DNAH6: variants seen among roughly 807,000 people sequenced by gnomAD.
The protein encoded by DNAH6 is axonemal beta dynein heavy chain 6.
Under a neutral mutation model 491.4 loss-of-function variants are expected in DNAH6, and 340 were observed. That is an observed-to-expected ratio of 0.69 (90% CI 0.63 to 0.76). The LOEUF (loss-of-function observed/expected upper bound fraction) is 0.76, where lower values mean the gene tolerates loss of function less well. Among genes scored for constraint, DNAH6 ranks in the 30% least tolerant of loss-of-function variants. The probability of loss-of-function intolerance (pLI) is 0.00; values close to 1 mark genes in which losing one functional copy is unlikely to be tolerated. For synonymous variants in DNAH6, 1,603 were observed against 1,686.1 expected (o/e 0.95, Z 1.21); for missense variants, 4,443 against 4,972.2 (o/e 0.89, Z 3.20).
chr2:84,777,693 G>A (rs1676282716), intron 64 of DNAH6: 1 of 817,092 alleles, frequency 1.2e-6, no homozygotes. Flanking sequence ...ACCTACCCAT[G>A]ACAGCTTAAT....
chr2:84,646,446 TAGTG>T (rs1301061557), intron 33 of DNAH6, among the ~76,000 whole-genome samples: 1 of 151,620 alleles, frequency 6.6e-6, no homozygotes, highest in Admixed American at 6.6e-5. Flanking sequence ...CGATTAAGCT[TAGTG>T]AGGAAGGCAT....
chr2:84,579,948 C>T (rs376385628), intron 14 of DNAH6, among the ~76,000 whole-genome samples: 22 of 152,286 alleles, frequency 1.4e-4, no homozygotes, highest in African/African-American at 5.3e-4. Flanking sequence ...TATTTATCCT[C>T]ATTCTGCAGA....
At chr2:84,754,115 C>T (rs111844909) in intron 63 of DNAH6, among the ~76,000 whole-genome samples, 21,047 of 151,856 alleles carry the variant, frequency 0.14, 1,618 homozygotes, top group African/African-American at 0.21. Context: ...AGCCACCACG[C>T]CTGGCCTTGA....
chr2:84,511,701 CTTGT>C (rs1289484873), upstream of DNAH6, among the ~76,000 whole-genome samples: 1 of 152,080 alleles, frequency 6.6e-6, no homozygotes, highest in African/African-American at 2.4e-5. Flanking sequence ...GTTCCTATTC[CTTGT>C]TTAATGTTTT....
Position 84,778,150 on chromosome 2 carries a change from C to T in DNAH6, c.10704-3343C>T, listed in dbSNP as rs906254815. ...ATGCCAACAGCACCAACCCCAACAA[C>T]TATAATCTTATCCTGGGGAGGTCTC... is the stretch of plus-strand genomic sequence containing the variant. On this transcript the variant is annotated intron_variant, in intron 64 of 76. Transcript: ENST00000389394. 1.7e-5 allele frequency: 13 copies of T among 759,932 alleles called. No homozygotes were observed. In the African/African-American group the frequency reaches 2.1e-4, roughly 12 times the overall value. 47.1% of individuals were successfully genotyped at this position (759,932 alleles called of 1,614,324 possible).
rs923026183 is a variant in DNAH6 at position 84,699,734 on chromosome 2, G to C, written c.7818G>C (p.Gln2606His). 1.9e-6 allele frequency: 3 copies of C among 1,549,982 alleles called. No homozygotes were observed. The highest frequency in any genetic ancestry group is 1.7e-6 in the Non-Finnish European group (2 of 1,146,518). Residue 2606 changes from glutamine (Q) to histidine (H), a missense_variant and splice_region_variant, in exon 48 of 77, where the codon CAG becomes CAC. Coordinates refer to ENST00000389394, the MANE Select transcript of DNAH6 (RefSeq NM_001370.2). ...VNCCTIDWFV[Q>H]WPREALLSVS... ...GCTGCACCATTGACTGGTTTGTGCA[G>C]GTTGGTGACATCCCAGGATATCTCT...
intron 50 of DNAH6, 37 bp from the exon 51 acceptor site, chr2:84,704,030 A>G: frequency 2.0e-6 from 3 of 1,468,260 alleles, no homozygotes; most frequent in Non-Finnish European, 2.8e-6. Context: ...AAATTCAAAT[A>G]ATGAGGCCAC....
At chr2:84,789,363 AACTCTT>A (rs1371303921) in intron 68 of DNAH6, among the ~76,000 whole-genome samples, 3 of 152,226 alleles carry the variant, frequency 2.0e-5, no homozygotes, top group Non-Finnish European at 4.4e-5. Flanking sequence ...TAGGTGCCAA[AACTCTT>A]ACATCCAGAT....
At chr2:84,659,824 A>T (rs1216401495) in intron 37 of DNAH6, among the ~76,000 whole-genome samples, 2 of 151,994 alleles carry the variant, frequency 1.3e-5, no homozygotes, top group African/African-American at 2.4e-5. Context: ...TCTACAAAAA[A>T]TTTTTTTAGT....
chr2:84,499,488 GTGC>G, the DNAH6 span, among the ~76,000 whole-genome samples: 1 of 152,190 alleles, frequency 6.6e-6, no homozygotes, highest in Non-Finnish European at 1.5e-5. Flanking sequence ...ATTGTAAACA[GTGC>G]TGGAACAAAC....
At chr2:84,600,629 T>TA (rs1263042742) in intron 18 of DNAH6, among the ~76,000 whole-genome samples, 1 of 152,112 alleles carries the variant, frequency 6.6e-6, no homozygotes, top group Admixed American at 6.5e-5. Context: ...TTCTCATAAT[T>TA]ACACTGGAAT....
rs1440089286 is a variant in DNAH6 at position 84,787,169 on chromosome 2, A to G, written c.11106A>G (p.Arg3702=). 1.3e-6 allele frequency: 2 copies of G among 1,504,196 alleles called. No individual in the cohort carries two copies. Among genetic ancestry groups the G allele is most frequent in the East Asian group, 2.5e-5 (1 of 39,870 alleles). The allele number at this position is 1,504,196 out of a possible 1,614,324, so 93.2% of individuals were successfully genotyped here. A position where few individuals can be genotyped will look rare whatever the true frequency, so the allele number is the denominator to read the frequency against. The part of the protein sequence containing the change: ...ICFFHAIIQE[R]KKFGPLGWNI... ...ATTTTCATTTTTCATTTTAGGAGAG[A>G]AAGAAGTTTGGCCCCCTTGGTTGGA... Residue 3702 remains arginine, a synonymous_variant, in exon 68 of 77, where the codon AGA becomes AGG. Coordinates refer to ENST00000389394, the MANE Select transcript of DNAH6 (RefSeq NM_001370.2).
At chr2:84,472,419 C>A in the DNAH6 span, among the ~76,000 whole-genome samples, 2 of 151,998 alleles carry the variant, frequency 1.3e-5, no homozygotes, top group Non-Finnish European at 2.9e-5. Flanking sequence ...TGTCTTTTAA[C>A]ATGAGCTGTA....
chr2:84,616,237 G>C (rs1041941016), intron 22 of DNAH6, among the ~76,000 whole-genome samples: 1 of 152,000 alleles, frequency 6.6e-6, no homozygotes, highest in Non-Finnish European at 1.5e-5. Context: ...TTTCTTTGTT[G>C]ACTTTCGGCC....
At position 84,642,711 on chromosome 2, in the gene DNAH6, G is replaced by C. The variant is rs78376886; in HGVS notation, c.5078+657G>C. Among the ~76,000 whole-genome samples, 900 of 151,806 alleles carry C rather than the reference G, an allele frequency of 5.9e-3. 14 individuals are homozygous for C. Among genetic ancestry groups the C allele is most frequent in the African/African-American group, 0.021 (865 of 41,356 alleles). Reference sequence around the variant, plus strand: ...TCAATTAACACTATACCATTTCATGGGAAGTGTGAGTACCTTATAATAACA... The same window carrying C: ...TCAATTAACACTATACCATTTCATGCGAAGTGTGAGTACCTTATAATAACA... On this transcript the variant is annotated intron_variant, in intron 33 of 76. Coordinates refer to ENST00000389394, the MANE Select transcript of DNAH6 (RefSeq NM_001370.2).
chr2:84,601,684 G>A (rs1486813985), intron 18 of DNAH6, among the ~76,000 whole-genome samples: 1 of 151,738 alleles, frequency 6.6e-6, no homozygotes, highest in Non-Finnish European at 1.5e-5. Flanking sequence ...CCCTTAACAG[G>A]TGTGTGTAGA....
chr2:84,551,980 G>A lies in DNAH6; in HGVS notation c.1486-938G>A, dbSNP rs1266894725. Among the ~76,000 whole-genome samples, 5 of 151,270 alleles carry A rather than the reference G, an allele frequency of 3.3e-5. No individual in the cohort carries two copies. In the East Asian group the frequency reaches 5.8e-4, roughly 18 times the overall value. ...GGGGAATTGCTTCAACCCAGGAGATGGAGGTTGCAGTGAGCTGAGATCGCG... is the reference window on the plus strand; with the variant it reads ...GGGGAATTGCTTCAACCCAGGAGATAGAGGTTGCAGTGAGCTGAGATCGCG... On this transcript the variant is annotated intron_variant, in intron 9 of 76. Transcript: ENST00000389394.
intron 63 of DNAH6, among the ~76,000 whole-genome samples, chr2:84,759,092 T>C (rs532341532): frequency 6.6e-6 from 1 of 152,152 alleles, no homozygotes; most frequent in South Asian, 2.1e-4. Context: ...GATAAATGAA[T>C]TTAGAAAGTT....
intron 14 of DNAH6, among the ~76,000 whole-genome samples, chr2:84,582,681 T>C (rs1683153283): frequency 6.6e-6 from 1 of 152,162 alleles, no homozygotes. Flanking sequence ...CTTGATCTCC[T>C]GACCTCATGA....
Sources: allele counts gnomAD v4.1 joint callset (sites outside exome capture counted in the v4.1 genomes callset), GRCh38; gene constraint gnomAD v4.1.1; transcripts MANE v1.5; gene names NCBI Gene and HGNC (gene_info 2026-07-23, HGNC 2026-07-21).